The following PRORP variants were observed in gnomAD, a reference collection of about 807,000 sequenced individuals.
The protein encoded by PRORP is protein only RNase P catalytic subunit.
In PRORP, 51 loss-of-function variants were observed where a neutral mutation model predicts 59.4. The observed-to-expected ratio is 0.86, with a 90% CI of 0.69 to 1.08. PRORP has a LOEUF of 1.08. Ranked by LOEUF, PRORP falls within the 50% of genes least tolerant of loss-of-function variation. PRORP has a pLI of 0.00. For synonymous variants in PRORP, 231 were observed against 245.6 expected, an observed-to-expected ratio of 0.94 and a Z score of 0.55; for missense variants, 646 against 690.3, an observed-to-expected ratio of 0.94 and a Z score of 0.72.
intron 5 of PRORP, among the ~76,000 whole-genome samples, chr14:35,242,113 G>A (rs562725312): frequency 6.6e-6 from 1 of 152,216 alleles, no homozygotes; most frequent in East Asian, 1.9e-4. Flanking sequence ...ATACATCTTA[G>A]TGATTTATTT....
At chr14:35,215,290 ATCT>A (rs1487902067) in intron 5 of PRORP, among the ~76,000 whole-genome samples, 3 of 152,132 alleles carry the variant, frequency 2.0e-5, no homozygotes, top group Admixed American at 1.3e-4. Flanking sequence ...GTACTTTAGC[ATCT>A]TCTTGAAAGG....
At chr14:35,171,534 T>G (rs1159634502) in intron 4 of PRORP, among the ~76,000 whole-genome samples, 1 of 152,208 alleles carries the variant, frequency 6.6e-6, no homozygotes, top group Non-Finnish European at 1.5e-5. Flanking sequence ...TTATTCCTTT[T>G]TATGTTATGT....
chr14:35,238,058 T>TC, intron 5 of PRORP, among the ~76,000 whole-genome samples: 2 of 152,130 alleles, frequency 1.3e-5, no homozygotes, highest in South Asian at 4.1e-4. Context: ...TTTTTTTTTT[T>TC]CTCTGCGTTT....
At chr14:35,230,193 C>T (rs2050040638) in intron 5 of PRORP, among the ~76,000 whole-genome samples, 1 of 151,744 alleles carries the variant, frequency 6.6e-6, no homozygotes. Context: ...GCTGGGATTA[C>T]AGGTATGCGC....
At chr14:35,148,010 C>G (rs1436137571) in intron 4 of PRORP, among the ~76,000 whole-genome samples, 3 of 152,238 alleles carry the variant, frequency 2.0e-5, no homozygotes, top group Non-Finnish European at 2.9e-5. Context: ...CTTGCTATTT[C>G]CACCATATCT....
At chr14:35,171,508 A>G (rs6571697) in intron 4 of PRORP, among the ~76,000 whole-genome samples, 28,054 of 151,932 alleles carry the variant, frequency 0.18, 2,838 homozygotes, top group Admixed American at 0.27. Flanking sequence ...TGAGAATTAA[A>G]CTGTCATTTG....
At chr14:35,161,798 A>T (rs2048066748) in intron 4 of PRORP, among the ~76,000 whole-genome samples, 1 of 152,134 alleles carries the variant, frequency 6.6e-6, no homozygotes, top group Non-Finnish European at 1.5e-5. Flanking sequence ...TATTTCTCCA[A>T]AGATCAGTCA....
At chr14:35,142,610 G>A (rs951281005) in intron 4 of PRORP, among the ~76,000 whole-genome samples, 2 of 144,338 alleles carry the variant, frequency 1.4e-5, no homozygotes, top group African/African-American at 4.9e-5. Flanking sequence ...GGGAGGCCGA[G>A]GTGGGTGGAT....
chr14:35,150,254 T>C (rs2138885386), intron 4 of PRORP, among the ~76,000 whole-genome samples: 1 of 152,338 alleles, frequency 6.6e-6, no homozygotes, highest in African/African-American at 2.4e-5. Flanking sequence ...CTAGAGGCCA[T>C]CGTAGAATTA....
rs182837061 is a variant in PRORP at position 35,154,577 on chromosome 14, A to C, written c.1168-26093A>C. ...TCTGATCAAGCATCTAGAGCTCACT[A>C]CTAATTTACTGGAAATACAGGGGGC... On this transcript the variant is annotated intron_variant, in intron 4 of 7. Transcript: ENST00000534898. Among the ~76,000 whole-genome samples the C allele has an allele frequency of 2.6e-5, 4 of 152,248 alleles. No individual in the cohort carries two copies. In the East Asian group the frequency reaches 7.7e-4, roughly 29 times the overall value.
intron 5 of PRORP, among the ~76,000 whole-genome samples, chr14:35,242,029 C>T (rs968601586): frequency 8.5e-5 from 13 of 152,104 alleles, no homozygotes; most frequent in African/African-American, 2.9e-4. Context: ...ACCCGTGCTT[C>T]AGGTAGTACC....
intron 5 of PRORP, among the ~76,000 whole-genome samples, chr14:35,265,257 A>G (rs1038139218): frequency 6.6e-6 from 1 of 152,202 alleles, no homozygotes; most frequent in African/African-American, 2.4e-5. Context: ...GATTTCTGCA[A>G]GACCTTTCAA....
intron 4 of PRORP, among the ~76,000 whole-genome samples, chr14:35,168,757 G>A (rs1020804226): frequency 1.3e-5 from 2 of 152,078 alleles, no homozygotes; most frequent in Non-Finnish European, 2.9e-5. Flanking sequence ...ATTGTATCAA[G>A]GACCCCCGTA....
At chr14:35,260,036 G>A (rs1182663333) in intron 5 of PRORP, among the ~76,000 whole-genome samples, 2 of 110,708 alleles carry the variant, frequency 1.8e-5, no homozygotes, top group Non-Finnish European at 3.4e-5. Flanking sequence ...TTTCCAGATA[G>A]GGTTTCACTC....
chr14:35,130,397 T>A (rs2047209664), intron 4 of PRORP, among the ~76,000 whole-genome samples: 1 of 152,162 alleles, frequency 6.6e-6, no homozygotes, highest in Non-Finnish European at 1.5e-5. Context: ...TACAGTGTTA[T>A]AATATACTAT....
At chr14:35,200,871 C>CT (rs1034571579) in intron 5 of PRORP, among the ~76,000 whole-genome samples, 22 of 152,080 alleles carry the variant, frequency 1.4e-4, no homozygotes, top group African/African-American at 5.3e-4. Flanking sequence ...AAAGTCCATA[C>CT]TTTATTTAGA....
intron 4 of PRORP, among the ~76,000 whole-genome samples, chr14:35,149,941 C>T (rs575195448): frequency 1.4e-3 from 209 of 152,232 alleles, no homozygotes; most frequent in South Asian, 3.1e-3. Flanking sequence ...CCTCTGCCTC[C>T]CAGGTTCAGT....
At chr14:35,257,303 A>C (rs988378132) in intron 5 of PRORP, among the ~76,000 whole-genome samples, 2 of 152,322 alleles carry the variant, frequency 1.3e-5, no homozygotes, top group East Asian at 3.9e-4. Flanking sequence ...ATTCATCTCC[A>C]GACTTTTCTC....
intron 4 of PRORP, among the ~76,000 whole-genome samples, chr14:35,144,983 TTTTG>T (rs1192778948): frequency 6.9e-6 from 1 of 145,682 alleles, no homozygotes; most frequent in African/African-American, 2.4e-5. Context: ...TTTTTAGTTC[TTTTG>T]TTTGTTTTAA....
Sources: allele counts gnomAD v4.1 joint callset (sites outside exome capture counted in the v4.1 genomes callset), GRCh38; gene constraint gnomAD v4.1.1; transcripts MANE v1.5; gene names NCBI Gene and HGNC (gene_info 2026-07-23, HGNC 2026-07-21).